OR1L8: variants seen among roughly 807,000 people sequenced by gnomAD.
OR1L8 encodes olfactory receptor family 1 subfamily L member 8.
For missense variants in OR1L8, 330 were observed against 377.4 expected, an observed-to-expected ratio of 0.87 and a Z score of 1.04; for synonymous variants, 148 against 147.0, an observed-to-expected ratio of 1.01 and a Z score of -0.05.
At chr9:122,574,747 G>A (rs1367307875) in intron 3 of OR1L8, among the ~76,000 whole-genome samples, 1 of 152,022 alleles carries the variant, frequency 6.6e-6, no homozygotes. Context: ...TGGTGAGAGG[G>A]AGCATTCTTA....
At position 122,568,143 on chromosome 9, in the gene OR1L8, T is replaced by G; in HGVS notation, c.335A>C (p.Asp112Ala). 6.2e-7 allele frequency: 1 copy of G among 1,614,168 alleles called. No individual in the cohort carries two copies. The highest frequency in any genetic ancestry group is 8.5e-7 in the Non-Finnish European group (1 of 1,180,020). Reference protein sequence around the residue: ...MYFLYALGNSDSCLLAVMAFD... With the variant: ...MYFLYALGNSASCLLAVMAFD... ...GGCCATGACTGCCAGAAGGCAGCTG[T>G]CACTGTTGCCCAAGGCATAGAGAAA... is the stretch of plus-strand genomic sequence containing the variant. Residue 112 changes from aspartate (D) to alanine (A), a missense_variant, in exon 5 of 5, where the codon GAC becomes GCC. Physicochemically the swap from Asp to Ala is moderately radical, Grantham distance 126. Coordinates refer to ENST00000641027, the MANE Select transcript of OR1L8 (RefSeq NM_001004454.2).
chr9:122,565,173 A>G (rs75194338), downstream of OR1L8, among the ~76,000 whole-genome samples: 41,482 of 152,126 alleles, frequency 0.27, 5,840 homozygotes, highest in Middle Eastern at 0.34. Context: ...TTTGGATTTT[A>G]GAGGAAACAC....
chr9:122,577,230 A>T (rs985575073), intron 2 of OR1L8, among the ~76,000 whole-genome samples: 1 of 152,178 alleles, frequency 6.6e-6, no homozygotes, highest in African/African-American at 2.4e-5. Flanking sequence ...CTGGTGCCTT[A>T]AATTTAGTCT....
At chr9:122,559,515 G>C in the OR1L8 span, among the ~76,000 whole-genome samples, 1 of 152,170 alleles carries the variant, frequency 6.6e-6, no homozygotes, top group East Asian at 1.9e-4. Context: ...AGAGATTCTG[G>C]TACGTTGTCT....
chr9:122,556,437 A>G, the OR1L8 span, among the ~76,000 whole-genome samples: 3,902 of 150,796 alleles, frequency 0.026, 63 homozygotes, highest in Non-Finnish European at 0.04. Flanking sequence ...ATATTGATCT[A>G]TTTTTCTGTT....
chr9:122,559,699 T>TA, the OR1L8 span, among the ~76,000 whole-genome samples: 88,221 of 151,936 alleles, frequency 0.58, 26,122 homozygotes, highest in East Asian at 0.97. Context: ...TGTTTGTTAT[T>TA]TTTCAGTTCT....
chr9:122,568,556 G>T lies in OR1L8; in HGVS notation c.-79C>A. On this transcript the variant is annotated 5_prime_UTR_variant, in exon 5 of 5. Transcript: ENST00000641027. ...TCATAACACCAATCATGAGAACCTA[G>T]CAAGTCTTTGTTTCTTCTGTTTGGT... 1 of 836,536 alleles carries T rather than the reference G, an allele frequency of 1.2e-6. No individual in the cohort carries two copies. The highest frequency in any genetic ancestry group is 1.9e-6 in the Non-Finnish European group (1 of 531,478). 51.8% of individuals were successfully genotyped at this position (836,536 alleles called of 1,614,324 possible). A position where few individuals can be genotyped will look rare whatever the true frequency, so the allele number is the denominator to read the frequency against.
At chr9:122,582,166 C>T (rs1163050980) in intron 1 of OR1L8, among the ~76,000 whole-genome samples, 3 of 152,088 alleles carry the variant, frequency 2.0e-5, no homozygotes, top group African/African-American at 7.2e-5. Context: ...TTGACTTAAC[C>T]ATATTTTTTA....
the OR1L8 span, among the ~76,000 whole-genome samples, chr9:122,547,620 A>AGTGTGTGTGTGTGTGTGT: frequency 7.0e-6 from 1 of 142,902 alleles, no homozygotes; most frequent in African/African-American, 2.6e-5. Context: ...GTAGTAGTTC[A>AGTGTGTGTGTGTGTGTGT]GTGTGTGTGT....
At chr9:122,564,616 A>G (rs1189567376), downstream of OR1L8, among the ~76,000 whole-genome samples, 1 of 152,252 alleles carries the variant, frequency 6.6e-6, no homozygotes, top group Non-Finnish European at 1.5e-5. Flanking sequence ...TGGATCCTGG[A>G]GAATGACAGT....
intron 1 of OR1L8, among the ~76,000 whole-genome samples, chr9:122,583,112 G>A (rs1350187398): frequency 1.3e-5 from 2 of 152,012 alleles, no homozygotes; most frequent in African/African-American, 4.8e-5. Context: ...TCCAAAAGAG[G>A]CAAAAGACCA....
the OR1L8 span, among the ~76,000 whole-genome samples, chr9:122,546,891 G>A: frequency 6.6e-6 from 1 of 152,062 alleles, no homozygotes; most frequent in Admixed American, 6.5e-5. Context: ...CATATATAGT[G>A]ATCAGATCAC....
intron 1 of OR1L8, among the ~76,000 whole-genome samples, chr9:122,579,333 A>G (rs1829709959): frequency 1.3e-5 from 2 of 152,276 alleles, no homozygotes; most frequent in South Asian, 4.1e-4. Context: ...TTGTAATTGA[A>G]TTTTAAAAAT....
chr9:122,568,701 G>A lies in OR1L8; in HGVS notation c.-212-12C>T. 1 of 444,314 alleles carries A rather than the reference G, an allele frequency of 2.3e-6. No individual in the cohort carries two copies. Among genetic ancestry groups the A allele is most frequent in the Non-Finnish European group, 3.9e-6 (1 of 254,184 alleles). The allele number at this position is 444,314 out of a possible 1,614,324, so 27.5% of individuals were successfully genotyped here. ...CATTATATTGAAATCTGGAGGGACA[G>A]AGGGAGAGTTTTCCTTTAGAAACTT... On this transcript the variant is annotated splice_polypyrimidine_tract_variant and intron_variant, in intron 4 of 4. Transcript: ENST00000641027.
intron 3 of OR1L8, among the ~76,000 whole-genome samples, chr9:122,573,487 C>A (rs926309809): frequency 3.9e-5 from 6 of 152,152 alleles, no homozygotes; most frequent in African/African-American, 1.4e-4. Context: ...TTGAATTTCC[C>A]AGATGACATG....
the OR1L8 span, among the ~76,000 whole-genome samples, chr9:122,548,528 G>A: frequency 3.6e-4 from 54 of 151,860 alleles, no homozygotes; most frequent in Admixed American, 3.3e-3. Context: ...ATTAGGAGAT[G>A]GTTATATGTT....
chr9:122,581,516 T>C (rs1176663487), intron 1 of OR1L8, among the ~76,000 whole-genome samples: 1 of 152,222 alleles, frequency 6.6e-6, no homozygotes, highest in African/African-American at 2.4e-5. Context: ...TTAGGCAAAC[T>C]AAATGCATAG....
the OR1L8 span, among the ~76,000 whole-genome samples, chr9:122,552,209 G>A: frequency 2.0e-5 from 3 of 152,014 alleles, no homozygotes; most frequent in Non-Finnish European, 2.9e-5. Context: ...ACAAATGGAG[G>A]ACTAAAATAG....
chr9:122,579,909 A>G (rs2050899), intron 1 of OR1L8, among the ~76,000 whole-genome samples: 16,813 of 152,202 alleles, frequency 0.11, 1,110 homozygotes, highest in South Asian at 0.18. Flanking sequence ...ACTTAAGCGC[A>G]ATAATAATCT....
Sources: allele counts gnomAD v4.1 joint callset (sites outside exome capture counted in the v4.1 genomes callset), GRCh38; gene constraint gnomAD v4.1.1; transcripts MANE v1.5; gene names NCBI Gene and HGNC (gene_info 2026-07-23, HGNC 2026-07-21).